FBXO16: variants seen among roughly 807,000 people sequenced by gnomAD.
The protein encoded by FBXO16 is F-box only protein 16.
FBXO16 carries 31 observed loss-of-function variants against 41.0 expected under a neutral mutation model. The ratio of observed to expected loss-of-function variants is 0.76; its 90% CI spans 0.57 to 1.02. The LOEUF (loss-of-function observed/expected upper bound fraction) is 1.02. FBXO16 is among the 50% of genes least tolerant of loss of function. FBXO16 has a pLI of 0.00. For synonymous variants in FBXO16, 133 were observed against 117.8 expected, an observed-to-expected ratio of 1.13 and a Z score of -0.84; for missense variants, 361 against 346.2, an observed-to-expected ratio of 1.04 and a Z score of -0.34.
At chr8:28,467,944 C>T (rs555969099) in intron 3 of FBXO16, among the ~76,000 whole-genome samples, 2 of 152,270 alleles carry the variant, frequency 1.3e-5, no homozygotes, top group Admixed American at 1.3e-4. Flanking sequence ...TAATAGAAAA[C>T]TAATTTACAT....
intron 3 of FBXO16, among the ~76,000 whole-genome samples, chr8:28,465,010 G>A (rs1360259974): frequency 6.6e-6 from 1 of 151,962 alleles, no homozygotes; most frequent in Non-Finnish European, 1.5e-5. Flanking sequence ...AAAATACACT[G>A]ACTACCTAAA....
chr8:28,478,821 CAAAAAAA>C (rs35959759), intron 2 of FBXO16, among the ~76,000 whole-genome samples: 3 of 117,816 alleles, frequency 2.5e-5, no homozygotes, highest in African/African-American at 6.5e-5. Flanking sequence ...ATTCTGTCTC[CAAAAAAA>C]AAAAAAAAAA....
At chr8:28,467,027 G>A (rs1171001169) in intron 3 of FBXO16, among the ~76,000 whole-genome samples, 3 of 152,012 alleles carry the variant, frequency 2.0e-5, no homozygotes, top group Admixed American at 1.3e-4. Flanking sequence ...CTACAGCCTC[G>A]ATCTCCTGGG....
chr8:28,486,360 G>A (rs1012935470), intron 1 of FBXO16, among the ~76,000 whole-genome samples: 21 of 151,536 alleles, frequency 1.4e-4, no homozygotes, highest in African/African-American at 5.1e-4. Context: ...TAGTAGCTGA[G>A]ATTACAGGTA....
intron 3 of FBXO16, among the ~76,000 whole-genome samples, chr8:28,464,278 T>C (rs1004594292): frequency 1.3e-5 from 2 of 152,180 alleles, no homozygotes; most frequent in Non-Finnish European, 2.9e-5. Context: ...GGAAAGTATA[T>C]TGGCGTAAAT....
chr8:28,465,463 A>G (rs1197075184), intron 3 of FBXO16: 1 of 449,630 alleles, frequency 2.2e-6, no homozygotes, highest in South Asian at 1.6e-5. Flanking sequence ...AAAAAATAAA[A>G]AGTTAGCTGG....
intron 3 of FBXO16, among the ~76,000 whole-genome samples, chr8:28,471,462 G>A (rs937283701): frequency 1.3e-5 from 2 of 150,274 alleles, no homozygotes; most frequent in Admixed American, 6.7e-5. Flanking sequence ...TCTTTCTTTC[G>A]AAAATGCATT....
intron 4 of FBXO16, among the ~76,000 whole-genome samples, chr8:28,461,287 G>A (rs1221269012): frequency 6.6e-6 from 1 of 151,990 alleles, no homozygotes; most frequent in Non-Finnish European, 1.5e-5. Context: ...TGGGGCAAAG[G>A]GAATTTTTAT....
At chr8:28,439,543 G>A (rs1030116459) in intron 7 of FBXO16, among the ~76,000 whole-genome samples, 9 of 152,080 alleles carry the variant, frequency 5.9e-5, no homozygotes, top group African/African-American at 2.2e-4. Context: ...TTTGGGACGA[G>A]CCCAGGCAAA....
intron 1 of FBXO16, among the ~76,000 whole-genome samples, chr8:28,484,666 A>T (rs1803572351): frequency 6.6e-6 from 1 of 152,184 alleles, no homozygotes; most frequent in Non-Finnish European, 1.5e-5. Flanking sequence ...ATCTCGGCTC[A>T]CTGCAAGCTC....
chr8:28,434,003 G>A (rs367791303), intron 7 of FBXO16, among the ~76,000 whole-genome samples: 4 of 140,970 alleles, frequency 2.8e-5, no homozygotes, highest in Non-Finnish European at 4.5e-5. Flanking sequence ...CTCTGGTGCC[G>A]AGGCTGGAGT....
In FBXO16 at chr8:28,463,783, G is replaced by A; in HGVS notation, c.171C>T (p.Ile57=). The change falls in exon 4 of 9, where the codon ATC becomes ATT. Residue 57 remains isoleucine (I), a synonymous_variant. Coordinates refer to ENST00000380254, the MANE Select transcript of FBXO16 (RefSeq NM_172366.4). ...DKWTDSQRRR[I]LTGLLERCSL... ...AGCAGCGCTCCAACAGGCCTGTGAG[G>A]ATTCTTCTTCTTTGAGAGTCTGTCC... 2 of 1,614,058 alleles carry A rather than the reference G, an allele frequency of 1.2e-6. No individual in the cohort carries two copies. Among genetic ancestry groups the A allele is most frequent in the African/African-American group, 1.3e-5 (1 of 75,048 alleles).
intron 2 of FBXO16, among the ~76,000 whole-genome samples, chr8:28,477,997 A>C (rs1803450219): frequency 6.6e-6 from 1 of 152,162 alleles, no homozygotes; most frequent in Non-Finnish European, 1.5e-5. Flanking sequence ...TGGGTGACAG[A>C]GTGAGATCCT....
intron 7 of FBXO16, among the ~76,000 whole-genome samples, chr8:28,432,957 A>G (rs2130074594): frequency 6.6e-6 from 1 of 152,034 alleles, no homozygotes; most frequent in East Asian, 1.9e-4. Flanking sequence ...GCTACTTGGG[A>G]GGCCGAGACA....
Position 28,458,253 on chromosome 8 carries a change from T to G in FBXO16, c.343-1323A>C, listed in dbSNP as rs75616271. Among the ~76,000 whole-genome samples, 1,398 of 152,352 alleles carry G rather than the reference T, an allele frequency of 9.2e-3. 26 individuals carry two copies. The highest frequency in any genetic ancestry group is 0.031 in the African/African-American group (1,307 of 41,576). On this transcript the variant is annotated intron_variant, in intron 4 of 8. Coordinates refer to ENST00000380254, the MANE Select transcript of FBXO16 (RefSeq NM_172366.4). ...CCATTTATTGAGTTCCTACTATGTT[T>G]GTTTTATGTGCAGAAGATGAGATGT...
rs1250865778 is a variant in FBXO16 at position 28,483,687 on chromosome 8, CAAACAAAT to C, written c.-16-233_-16-226del. Among the ~76,000 whole-genome samples, 53 of 147,094 alleles carry C rather than the reference CAAACAAAT, an allele frequency of 3.6e-4. No homozygotes were observed. The East Asian group carries it at 9.5e-3, about 26-fold the overall frequency. The stretch of plus-strand genomic sequence containing the variant: ...TAAATGTAATAAACAAACAAACAAA[CAAACAAAT>C]AAAAAATAGCCGGGCGTGGTGGTGC... On this transcript the variant is annotated intron_variant, in intron 1 of 8. Transcript: ENST00000380254.
chr8:28,447,427 A>T, intron 6 of FBXO16, 154 bp from the exon 7 acceptor site: 2 of 616,300 alleles, frequency 3.2e-6, no homozygotes, highest in Non-Finnish European at 5.6e-6. Flanking sequence ...TCAATAGAGA[A>T]CTGGTTGCAT....
chr8:28,446,716 A>G (rs1802869890), intron 7 of FBXO16, among the ~76,000 whole-genome samples: 1 of 151,936 alleles, frequency 6.6e-6, no homozygotes, highest in Non-Finnish European at 1.5e-5. Context: ...TACTAAAAAT[A>G]CAAAAATTAG....
chr8:28,487,925 T>C (rs1235028737), intron 1 of FBXO16, among the ~76,000 whole-genome samples: 1 of 151,728 alleles, frequency 6.6e-6, no homozygotes, highest in African/African-American at 2.4e-5. Context: ...CAAACTCGGC[T>C]CACCACAACC....
Sources: gnomAD v4.1 joint callset for allele counts (sites outside exome capture counted in the v4.1 genomes callset) on GRCh38, gnomAD v4.1.1 for gene constraint, MANE v1.5 for transcripts, NCBI Gene and HGNC (gene_info 2026-07-23, HGNC 2026-07-21) for gene names.